The following KCNH1 variants were observed in gnomAD, a reference collection of about 807,000 sequenced individuals.
KCNH1 encodes potassium voltage-gated channel subfamily H member 1, also known as voltage-gated delayed rectifier potassium channel KCNH1.
A neutral mutation model predicts 69.2 loss-of-function variants in KCNH1; 27 were observed. The observed-to-expected ratio is 0.39, with a 90% CI of 0.29 to 0.54. The LOEUF is 0.54. KCNH1 is among the 20% of genes least tolerant of loss of function. The probability of loss-of-function intolerance (pLI) is 0.68; values close to 1 mark genes in which losing one functional copy is unlikely to be tolerated. For missense variants in KCNH1, 798 were observed against 1,261.6 expected (o/e 0.63, Z 5.57); for synonymous variants, 456 against 487.7 (o/e 0.93, Z 0.86).
At chr1:211,011,829 C>A (rs12566441) in intron 6 of KCNH1, among the ~76,000 whole-genome samples, 1 of 152,160 alleles carries the variant, frequency 6.6e-6, no homozygotes, top group Non-Finnish European at 1.5e-5. Flanking sequence ...TAACAAGAGG[C>A]ATGTCTCCTC....
At chr1:210,981,049 C>A (rs2102377322) in intron 6 of KCNH1, among the ~76,000 whole-genome samples, 2 of 152,172 alleles carry the variant, frequency 1.3e-5, no homozygotes, top group East Asian at 3.9e-4. Flanking sequence ...ACTCTTATAT[C>A]CCTCTCTCTA....
intron 6 of KCNH1, among the ~76,000 whole-genome samples, chr1:210,961,506 A>T (rs1040554620): frequency 1.7e-4 from 26 of 152,206 alleles, no homozygotes; most frequent in African/African-American, 6.0e-4. Flanking sequence ...GATTCCACTT[A>T]TTATGCTCAG....
chr1:210,819,531 C>T (rs1381721068), intron 7 of KCNH1, among the ~76,000 whole-genome samples: 3 of 151,750 alleles, frequency 2.0e-5, no homozygotes, highest in South Asian at 2.1e-4. Context: ...AAGGCAATCA[C>T]GGCTATCCTG....
chr1:210,706,576 C>G (rs1681918147), intron 10 of KCNH1, among the ~76,000 whole-genome samples: 1 of 152,168 alleles, frequency 6.6e-6, no homozygotes, highest in African/African-American at 2.4e-5. Flanking sequence ...GCACAAATCA[C>G]TTTGTTTAAC....
At chr1:211,107,451 A>G in intron 1 of KCNH1, 74 bp from the exon 2 acceptor site, 11 of 1,441,782 alleles carry the variant, frequency 7.6e-6, no homozygotes, top group Non-Finnish European at 1.1e-5. Context: ...GAGGACATAA[A>G]TAATGTCAAG....
intron 6 of KCNH1, among the ~76,000 whole-genome samples, chr1:210,985,176 G>A (rs1027688290): frequency 6.6e-6 from 1 of 151,768 alleles, no homozygotes; most frequent in Non-Finnish European, 1.5e-5. Context: ...TCTCTCTTTT[G>A]TTCTTTATTA....
At chr1:211,124,996 A>AC (rs1691752221) in intron 1 of KCNH1, among the ~76,000 whole-genome samples, 1 of 152,126 alleles carries the variant, frequency 6.6e-6, no homozygotes, top group Non-Finnish European at 1.5e-5. Flanking sequence ...ACTTAGGAAA[A>AC]CCCCAAGACA....
At chr1:211,026,818 T>C in intron 5 of KCNH1, among the ~76,000 whole-genome samples, 1 of 152,222 alleles carries the variant, frequency 6.6e-6, no homozygotes, top group Middle Eastern at 3.4e-3. Flanking sequence ...CAGAGAGGTA[T>C]CCATGTAAGC....
intron 6 of KCNH1, among the ~76,000 whole-genome samples, chr1:210,978,753 G>A (rs570428930): frequency 6.6e-6 from 1 of 152,278 alleles, no homozygotes; most frequent in African/African-American, 2.4e-5. Flanking sequence ...TACATAGGTT[G>A]GCAGTCAGTC....
intron 7 of KCNH1, among the ~76,000 whole-genome samples, chr1:210,807,633 A>AAATAAATAAT (rs1553346823): frequency 1.3e-5 from 2 of 151,300 alleles, no homozygotes; most frequent in African/African-American, 4.9e-5. Flanking sequence ...ATAAATAAAT[A>AAATAAATAAT]AATAATAATA....
At chr1:211,052,903 T>A (rs935056170) in intron 5 of KCNH1, among the ~76,000 whole-genome samples, 12 of 152,258 alleles carry the variant, frequency 7.9e-5, no homozygotes, top group Admixed American at 6.5e-5. Context: ...CTCATGGCCA[T>A]CTCGCTCCTC....
chr1:210,795,962 A>AACACAC (rs369505764), intron 9 of KCNH1, among the ~76,000 whole-genome samples: 1,507 of 136,010 alleles, frequency 0.011, 18 homozygotes, highest in East Asian at 0.018. Flanking sequence ...CTCTACTAAA[A>AACACAC]ACACACACAC....
intron 6 of KCNH1, among the ~76,000 whole-genome samples, chr1:210,935,623 C>T (rs1029355918): frequency 2.0e-5 from 3 of 152,128 alleles, no homozygotes; most frequent in Non-Finnish European, 4.4e-5. Flanking sequence ...TAAAAATGAA[C>T]GGTTATGTGC....
chr1:211,110,839 A>C (rs1691447731), intron 1 of KCNH1, among the ~76,000 whole-genome samples: 1 of 152,200 alleles, frequency 6.6e-6, no homozygotes, highest in Non-Finnish European at 1.5e-5. Context: ...TAATTAACAG[A>C]AGTCAACAGA....
At chr1:210,691,448 T>C (rs1681526384) in intron 10 of KCNH1, among the ~76,000 whole-genome samples, 1 of 152,052 alleles carries the variant, frequency 6.6e-6, no homozygotes, top group African/African-American at 2.4e-5. Context: ...AAACCGAGTG[T>C]AGAAAGAGTA....
At chr1:210,755,977 T>C (rs2102344445) in intron 10 of KCNH1, among the ~76,000 whole-genome samples, 1 of 152,372 alleles carries the variant, frequency 6.6e-6, no homozygotes, top group Non-Finnish European at 1.5e-5. Context: ...GCAAAAATGC[T>C]TGAAATCGTG....
At chr1:210,690,714 T>A (rs189673105) in intron 10 of KCNH1, among the ~76,000 whole-genome samples, 3 of 152,308 alleles carry the variant, frequency 2.0e-5, no homozygotes, top group Admixed American at 2.0e-4. Context: ...TCATGATGAA[T>A]ACATGACAGC....
chr1:210,756,738 A>G (rs780906204), intron 10 of KCNH1, among the ~76,000 whole-genome samples: 9 of 152,202 alleles, frequency 5.9e-5, no homozygotes, highest in Non-Finnish European at 8.8e-5. Context: ...TTCCCAGTCC[A>G]TGCTGATCCA....
chr1:210,788,575 G>T (rs1189520601), intron 9 of KCNH1, among the ~76,000 whole-genome samples: 2 of 151,296 alleles, frequency 1.3e-5, no homozygotes, highest in Non-Finnish European at 2.9e-5. Context: ...AATTAGGAAA[G>T]AGAACTGGTC....
Sources: gnomAD v4.1 joint callset for allele counts (sites outside exome capture counted in the v4.1 genomes callset) on GRCh38, gnomAD v4.1.1 for gene constraint, MANE v1.5 for transcripts, NCBI Gene and HGNC (gene_info 2026-07-23, HGNC 2026-07-21) for gene names.